The following CATSPERG variants were observed in gnomAD, a reference collection of about 807,000 sequenced individuals.
The protein encoded by CATSPERG is catsper channel auxiliary subunit gamma.
In CATSPERG, 115 loss-of-function variants were observed where a neutral mutation model predicts 145.0. The ratio of observed to expected loss-of-function variants is 0.79; its 90% CI spans 0.68 to 0.93. The LOEUF (loss-of-function observed/expected upper bound fraction) is 0.93, where lower values mean the gene tolerates loss of function less well. CATSPERG is among the 40% of genes least tolerant of loss of function. The probability of loss-of-function intolerance (pLI) is 0.00; values close to 1 mark genes in which losing one functional copy is unlikely to be tolerated. For missense variants in CATSPERG, 1,296 were observed against 1,490.1 expected (o/e 0.87, Z 2.14); for synonymous variants, 588 against 589.0 (o/e 1.00, Z 0.02).
rs1419101279 is a variant in CATSPERG, at chr19:38,361,565, TG to T, written c.1881-79del. Reference sequence around the variant, plus strand: ...GGCTGGATTCGATACGGGAAGTGGGTGGGGTGGGAAAGAGGCCTGCGGAAGC... The same window carrying T: ...GGCTGGATTCGATACGGGAAGTGGGTGGGTGGGAAAGAGGCCTGCGGAAGC... On this transcript the variant is annotated intron_variant, in intron 16 of 28. Transcript: ENST00000409235. 10 of 1,097,108 alleles carry T rather than the reference TG, an allele frequency of 9.1e-6. No individual in the cohort carries two copies. In the East Asian group the frequency reaches 1.7e-4, roughly 19 times the overall value. 68.0% of individuals were successfully genotyped at this position (1,097,108 alleles called of 1,614,324 possible).
intron 18 of CATSPERG, 24 bp from the exon 19 acceptor site, chr19:38,362,352 T>A (rs748100806): frequency 6.2e-7 from 1 of 1,613,906 alleles, no homozygotes; most frequent in Admixed American, 1.7e-5. Context: ...GCGCTGACTC[T>A]GCCCCGCGCA....
chr19:38,363,710 T>TCTTGCA lies in CATSPERG; in HGVS notation c.2475+880_2475+885dup, dbSNP rs1221834221. 1.2e-4 allele frequency among the ~76,000 whole-genome samples: 19 copies of TCTTGCA among 152,006 alleles called. No individual in the cohort carries two copies. The East Asian group carries it at 1.9e-3, about 15-fold the overall frequency. Reference sequence around the variant, plus strand: ...TCAAGCATCTGTTTAACAAAGCACATCTTGCACCGCCCTTAATCCATTTAA... The same window carrying TCTTGCA: ...TCAAGCATCTGTTTAACAAAGCACATCTTGCACTTGCACCGCCCTTAATCCATTTAA... On this transcript the variant is annotated intron_variant, in intron 20 of 28. Transcript: ENST00000409235.
intron 24 of CATSPERG, 44 bp from the exon 25 acceptor site, chr19:38,367,637 T>C: frequency 1.2e-6 from 2 of 1,612,064 alleles, no homozygotes; most frequent in Non-Finnish European, 1.7e-6. Flanking sequence ...GGTGCAGGAC[T>C]CGAGACCCGG....
At chr19:38,342,601 A>T (rs1258021143) in intron 3 of CATSPERG, among the ~76,000 whole-genome samples, 3 of 127,276 alleles carry the variant, frequency 2.4e-5, no homozygotes, top group African/African-American at 9.2e-5. Flanking sequence ...CTCCTTCTTG[A>T]AAAAAAAAAA....
rs1970422725 is a variant in CATSPERG at position 38,364,972 on chromosome 19, G to A, written c.2556+1G>A. 6.2e-7 allele frequency: 1 copy of A among 1,613,902 alleles called. No individual in the cohort carries two copies. The highest frequency in any genetic ancestry group is 8.5e-7 in the Non-Finnish European group (1 of 1,179,858). ...TATGGAGACTTCCATGACGGTCAAT[G>A]TGAGGTCCAAGCCTGGAGGGGAGGG... On this transcript the variant is annotated splice_donor_variant, in intron 21 of 28. Coordinates refer to ENST00000409235, the MANE Select transcript of CATSPERG (RefSeq NM_021185.5). LOFTEE classifies it high-confidence loss of function.
intron 22 of CATSPERG, chr19:38,366,519 C>T (rs368116206): frequency 3.9e-5 from 6 of 152,358 alleles, no homozygotes; most frequent in Non-Finnish European, 7.3e-5. Context: ...GCTGGCTCCT[C>T]GGGAGGGCTC....
Position 38,362,813 on chromosome 19 carries a change from G to T in CATSPERG, c.2456G>T (p.Arg819Leu). The T allele has an allele frequency of 2.5e-6, 4 of 1,612,426 alleles. No homozygotes were observed. The highest frequency in any genetic ancestry group is 2.5e-6 in the Non-Finnish European group (3 of 1,178,920). ...ASVKQEVLIN[R>L]NSVLFSITLK... ...GTGAAGCAGGAGGTCCTGATTAATC[G>T]CAACTCGGTGCTATTTTCGGTGAGG... The change falls in exon 20 of 29, where the codon CGC becomes CTC. Residue 819 changes from arginine to leucine, a missense_variant. Arg to Leu is a moderately radical substitution (Grantham distance 102). Transcript: ENST00000409235.
At chr19:38,367,851 A>G in intron 25 of CATSPERG, 75 bp downstream of exon 25, 1 of 1,402,948 alleles carries the variant, frequency 7.1e-7, no homozygotes, top group Non-Finnish European at 1.0e-6. Flanking sequence ...AGCCAAGCCC[A>G]CCTCGCAAGC....
intron 6 of CATSPERG, among the ~76,000 whole-genome samples, chr19:38,345,046 A>G (rs1473829609): frequency 6.7e-6 from 1 of 150,186 alleles, no homozygotes; most frequent in Non-Finnish European, 1.5e-5. Context: ...AGCTGGGACC[A>G]CGGGCATGTA....
chr19:38,363,224 GC>G (rs200069115), intron 20 of CATSPERG, among the ~76,000 whole-genome samples: 3,726 of 152,142 alleles, frequency 0.024, 61 homozygotes, highest in South Asian at 0.045. Flanking sequence ...ATTATTAGTA[GC>G]GATGGGGTTT....
chr19:38,367,075 A>C (rs1273224481), intron 22 of CATSPERG, 81 bp from the exon 23 acceptor site: 3 of 1,328,030 alleles, frequency 2.3e-6, no homozygotes, highest in Non-Finnish European at 3.0e-6. Context: ...TGGGAGGGGG[A>C]CTGTCCTTCC....
At chr19:38,336,971 G>T (rs748252718) in intron 1 of CATSPERG, 3 of 561,674 alleles carry the variant, frequency 5.3e-6, no homozygotes, top group Non-Finnish European at 9.6e-6. Context: ...GAGCAGGGGC[G>T]GGACCAGGAG....
At chr19:38,360,432 T>A in intron 14 of CATSPERG, 57 bp from the exon 15 acceptor site, 1 of 1,602,418 alleles carries the variant, frequency 6.2e-7, no homozygotes. Context: ...GAGGGTGAGG[T>A]GGGATCAGAG....
At chr19:38,368,769 T>A (rs1023734254) in intron 26 of CATSPERG, among the ~76,000 whole-genome samples, 4 of 152,154 alleles carry the variant, frequency 2.6e-5, no homozygotes, top group African/African-American at 9.7e-5. Flanking sequence ...TTCAAGCAAT[T>A]CTCCTGCCTC....
At chr19:38,356,340 C>T in intron 9 of CATSPERG, 144 bp from the exon 10 acceptor site, 1 of 674,858 alleles carries the variant, frequency 1.5e-6, no homozygotes. Context: ...CTCTGATAGG[C>T]CAGGTGTGAG....
At chr19:38,369,883 C>T in intron 26 of CATSPERG, 89 bp from the exon 27 acceptor site, 1 of 1,204,742 alleles carries the variant, frequency 8.3e-7, no homozygotes, top group Admixed American at 1.7e-5. Context: ...ATTTGGTCCT[C>T]ACCGAAAACA....
At chr19:38,360,158 G>GA (rs762694290) in intron 14 of CATSPERG, 4 of 985,368 alleles carry the variant, frequency 4.1e-6, no homozygotes, top group Middle Eastern at 5.2e-4. Context: ...AGAGTGAGAA[G>GA]AAAAGAGGTC....
rs985106195 is a variant in CATSPERG, at chr19:38,352,807, G to A, written c.997+375G>A. 4.0e-5 allele frequency among the ~76,000 whole-genome samples: 6 copies of A among 151,688 alleles called. No homozygotes were observed. The East Asian group carries it at 1.2e-3, about 29-fold the overall frequency. Reference sequence around the variant, plus strand: ...AGAGGGAGAGGGGCATGGCAAATCAGAAAGACAGAGCGGGAGGAGAGAGAG... The same window carrying A: ...AGAGGGAGAGGGGCATGGCAAATCAAAAAGACAGAGCGGGAGGAGAGAGAG... On this transcript the variant is annotated intron_variant, in intron 8 of 28. Transcript: ENST00000409235.
intron 3 of CATSPERG, chr19:38,337,869 A>C (rs113370094): frequency 0.035 from 14,185 of 406,944 alleles, 294 homozygotes; most frequent in East Asian, 0.061. Context: ...CAGGCATGTG[A>C]CACCACGCCC....
Sources: gnomAD v4.1 joint callset for allele counts (sites outside exome capture counted in the v4.1 genomes callset) on GRCh38, gnomAD v4.1.1 for gene constraint, MANE v1.5 for transcripts, NCBI Gene and HGNC (gene_info 2026-07-23, HGNC 2026-07-21) for gene names.